Variants in RBMS3 observed in about 807,000 individuals in gnomAD.
The protein encoded by RBMS3 is RNA binding motif single stranded interacting protein 3.
RBMS3 carries 27 observed loss-of-function variants against 66.8 expected under a neutral mutation model. That is an observed-to-expected ratio of 0.40 (90% confidence interval 0.30 to 0.56). RBMS3 has a LOEUF of 0.56. Ranked by LOEUF, RBMS3 falls within the 20% of genes least tolerant of loss-of-function variation. The pLI, the probability that RBMS3 is intolerant of heterozygous loss-of-function variation, is 0.40. For missense variants in RBMS3, 513 were observed against 549.5 expected, an observed-to-expected ratio of 0.93 and a Z score of 0.66; for synonymous variants, 188 against 183.0, an observed-to-expected ratio of 1.03 and a Z score of -0.22.
chr3:29,737,340 A>T (rs927855969), intron 4 of RBMS3, among the ~76,000 whole-genome samples: 1 of 152,220 alleles, frequency 6.6e-6, no homozygotes, highest in Admixed American at 6.5e-5. Context: ...GAAAAATTTT[A>T]AAATAAGTAA....
At chr3:29,832,065 A>G (rs962125529) in intron 6 of RBMS3, among the ~76,000 whole-genome samples, 1 of 152,118 alleles carries the variant, frequency 6.6e-6, no homozygotes, top group Non-Finnish European at 1.5e-5. Context: ...AAATTATTGA[A>G]CCTGCTGTAA....
chr3:29,807,974 T>C (rs2149453049), intron 6 of RBMS3, among the ~76,000 whole-genome samples: 1 of 152,034 alleles, frequency 6.6e-6, no homozygotes, highest in Admixed American at 6.6e-5. Context: ...AGTTTTCTAA[T>C]TTAATGTTAA....
intron 4 of RBMS3, among the ~76,000 whole-genome samples, chr3:29,665,293 A>T (rs2050707539): frequency 6.6e-6 from 1 of 152,258 alleles, no homozygotes; most frequent in Non-Finnish European, 1.5e-5. Flanking sequence ...GTCCTCAAGG[A>T]AGACACAGCC....
At chr3:29,871,304 G>A (rs1283736980) in intron 7 of RBMS3, among the ~76,000 whole-genome samples, 1 of 152,044 alleles carries the variant, frequency 6.6e-6, no homozygotes. Flanking sequence ...GTCGGGTTAA[G>A]GTCTTTGACC....
chr3:29,952,207 T>C (rs192568822), intron 12 of RBMS3, among the ~76,000 whole-genome samples: 2 of 151,972 alleles, frequency 1.3e-5, no homozygotes, highest in Admixed American at 6.6e-5. Context: ...CTCAACGTTA[T>C]GGCATTTAGA....
rs200701113 is a variant in RBMS3, at chr3:29,451,838, C to T, written c.248+16923C>T. On this transcript the variant is annotated intron_variant, in intron 2 of 14. Transcript: ENST00000383767. ...ACTGTTTTTCAAGAAAGTTTCCAAG[C>T]ATACCACGTTCATGTTGTTGCAGCA... Among the ~76,000 whole-genome samples, 4 of 152,334 alleles carry T rather than the reference C, an allele frequency of 2.6e-5. No homozygotes were observed. In the East Asian group the frequency reaches 7.7e-4, roughly 29 times the overall value.
chr3:29,478,906 C>G (rs565540679), intron 2 of RBMS3, among the ~76,000 whole-genome samples: 2 of 152,188 alleles, frequency 1.3e-5, no homozygotes, highest in African/African-American at 4.8e-5. Flanking sequence ...ATGTTATTTC[C>G]AAGGAATGTT....
chr3:29,512,393 A>T (rs1325445713), intron 3 of RBMS3, among the ~76,000 whole-genome samples: 1 of 151,354 alleles, frequency 6.6e-6, no homozygotes, highest in Non-Finnish European at 1.5e-5. Flanking sequence ...TTAGAATTAA[A>T]TTATTATCTA....
chr3:29,960,478 A>G (rs2149734598), intron 12 of RBMS3, among the ~76,000 whole-genome samples: 1 of 152,264 alleles, frequency 6.6e-6, no homozygotes, highest in Admixed American at 6.5e-5. Flanking sequence ...CCATTCTGGG[A>G]TCTGGAAGAC....
At chr3:29,482,815 C>G (rs895022140) in intron 2 of RBMS3, among the ~76,000 whole-genome samples, 1 of 140,456 alleles carries the variant, frequency 7.1e-6, no homozygotes, top group Non-Finnish European at 1.5e-5. Flanking sequence ...TCAAGTGATT[C>G]TCCTGCCTCA....
intron 4 of RBMS3, among the ~76,000 whole-genome samples, chr3:29,589,949 G>T (rs2047667970): frequency 6.6e-6 from 1 of 152,004 alleles, no homozygotes; most frequent in Non-Finnish European, 1.5e-5. Context: ...TTATTCCAGT[G>T]TGTGCATATG....
chr3:29,786,113 A>T (rs9855773), intron 6 of RBMS3, among the ~76,000 whole-genome samples: 21,803 of 149,672 alleles, frequency 0.15, 2,043 homozygotes, highest in African/African-American at 0.27. Context: ...AAAAAAAAAA[A>T]ACTTAGAAAT....
intron 1 of RBMS3, among the ~76,000 whole-genome samples, chr3:29,339,522 G>A (rs1313222891): frequency 6.6e-6 from 1 of 151,746 alleles, no homozygotes; most frequent in Non-Finnish European, 1.5e-5. Flanking sequence ...GAGCTTTACA[G>A]CTGTTATTTA....
At chr3:29,963,039 A>T (rs1026874143) in intron 12 of RBMS3, among the ~76,000 whole-genome samples, 2 of 144,188 alleles carry the variant, frequency 1.4e-5, no homozygotes, top group Non-Finnish European at 1.5e-5. Context: ...TACTTTGGAG[A>T]TTTTTTTTTT....
chr3:29,688,912 G>T (rs1252220749), intron 4 of RBMS3, among the ~76,000 whole-genome samples: 1 of 151,952 alleles, frequency 6.6e-6, no homozygotes, highest in Non-Finnish European at 1.5e-5. Context: ...CTGATGGAGA[G>T]ATTTTTTCTT....
chr3:29,515,124 A>G (rs988216067), intron 3 of RBMS3, among the ~76,000 whole-genome samples: 2 of 152,222 alleles, frequency 1.3e-5, no homozygotes, highest in African/African-American at 4.8e-5. Context: ...GGAAGTGGTC[A>G]AATCGACCTT....
At chr3:29,645,205 C>G (rs151224131) in intron 4 of RBMS3, among the ~76,000 whole-genome samples, 1 of 152,232 alleles carries the variant, frequency 6.6e-6, no homozygotes, top group East Asian at 1.9e-4. Flanking sequence ...AGCAATGGAA[C>G]CTCTATGTAT....
intron 1 of RBMS3, among the ~76,000 whole-genome samples, chr3:29,297,378 A>G (rs1197664301): frequency 1.3e-5 from 2 of 151,830 alleles, no homozygotes; most frequent in Non-Finnish European, 2.9e-5. Flanking sequence ...AATGGTAAGG[A>G]GAGGGCAATT....
At chr3:29,552,728 T>C (rs1450288442) in intron 3 of RBMS3, among the ~76,000 whole-genome samples, 8 of 152,210 alleles carry the variant, frequency 5.3e-5, no homozygotes, top group Admixed American at 3.9e-4. Context: ...AGGGTTTTGT[T>C]AATCCCTAAG....
Sources: allele counts gnomAD v4.1 joint callset (sites outside exome capture counted in the v4.1 genomes callset), GRCh38; gene constraint gnomAD v4.1.1; transcripts MANE v1.5; gene names NCBI Gene and HGNC (gene_info 2026-07-23, HGNC 2026-07-21).